Variants in LHFPL3 observed in about 807,000 individuals in gnomAD.
LHFPL3 encodes the protein LHFPL tetraspan subfamily member 3.
LHFPL3 carries 5 observed loss-of-function variants against 19.3 expected under a neutral mutation model. That is an observed-to-expected ratio of 0.26 (90% CI 0.14 to 0.54). The LOEUF is 0.54. LHFPL3 is among the 20% of genes least tolerant of loss of function. The pLI, the probability that LHFPL3 is intolerant of heterozygous loss-of-function variation, is 0.94. For missense variants in LHFPL3, 249 were observed against 307.4 expected (o/e 0.81, Z 1.42); for synonymous variants, 133 against 126.2 (o/e 1.05, Z -0.36).
intron 2 of LHFPL3, among the ~76,000 whole-genome samples, chr7:104,837,148 T>C (rs919243754): frequency 3.9e-5 from 6 of 152,220 alleles, no homozygotes; most frequent in Non-Finnish European, 8.8e-5. Context: ...CAACTTAGTC[T>C]ACTTGTCTCT....
intron 1 of LHFPL3, among the ~76,000 whole-genome samples, chr7:104,676,622 CA>C (rs1189456881): frequency 2.6e-5 from 4 of 152,138 alleles, no homozygotes; most frequent in African/African-American, 9.7e-5. Context: ...CGATGCAAAC[CA>C]TCTTAGAAAT....
intron 1 of LHFPL3, among the ~76,000 whole-genome samples, chr7:104,495,388 T>G (rs974048376): frequency 6.6e-6 from 1 of 151,894 alleles, no homozygotes; most frequent in Non-Finnish European, 1.5e-5. Flanking sequence ...AAAAAAAAAT[T>G]TTTTTTCTTT....
intron 1 of LHFPL3, among the ~76,000 whole-genome samples, chr7:104,475,519 G>A (rs988403857): frequency 1.3e-5 from 2 of 152,136 alleles, no homozygotes; most frequent in African/African-American, 4.8e-5. Flanking sequence ...AGTTGGGTCT[G>A]TTGTGTAACA....
At chr7:104,660,153 C>T (rs1489640185) in intron 1 of LHFPL3, among the ~76,000 whole-genome samples, 1 of 152,152 alleles carries the variant, frequency 6.6e-6, no homozygotes, top group Non-Finnish European at 1.5e-5. Context: ...AGGTGCGTGC[C>T]ACCACACCTG....
At chr7:104,396,096 G>C (rs1220073985) in intron 1 of LHFPL3, among the ~76,000 whole-genome samples, 3 of 152,138 alleles carry the variant, frequency 2.0e-5, no homozygotes, top group Non-Finnish European at 2.9e-5. Context: ...CTGGCCTTGG[G>C]TTCACATGGT....
chr7:104,732,200 CCCT>C (rs1245040546), intron 1 of LHFPL3, among the ~76,000 whole-genome samples: 1 of 152,020 alleles, frequency 6.6e-6, no homozygotes, highest in Non-Finnish European at 1.5e-5. Context: ...TTGGTTGTGT[CCCT>C]GCCAGGCTTT....
At chr7:104,865,254 G>C (rs545395981) in intron 2 of LHFPL3, among the ~76,000 whole-genome samples, 26 of 152,258 alleles carry the variant, frequency 1.7e-4, no homozygotes, top group African/African-American at 4.6e-4. Flanking sequence ...AGAGAAGAAG[G>C]CTTCAGACGA....
chr7:104,783,526 C>A (rs150425157), intron 2 of LHFPL3, among the ~76,000 whole-genome samples: 1 of 152,134 alleles, frequency 6.6e-6, no homozygotes, highest in African/African-American at 2.4e-5. Context: ...AGACTGCAAA[C>A]GCCAAAAACA....
intron 2 of LHFPL3, among the ~76,000 whole-genome samples, chr7:104,831,229 T>TAA (rs10644867): frequency 5.9e-5 from 9 of 151,788 alleles, no homozygotes; most frequent in East Asian, 1.9e-4. Context: ...TTATTCTTAA[T>TAA]AAAATGTTAT....
chr7:104,823,182 T>G (rs1256607368), intron 2 of LHFPL3, among the ~76,000 whole-genome samples: 1 of 152,132 alleles, frequency 6.6e-6, no homozygotes, highest in East Asian at 1.9e-4. Context: ...ATAAATAATT[T>G]CAGATAAAGA....
intron 1 of LHFPL3, among the ~76,000 whole-genome samples, chr7:104,607,871 C>T (rs965083432): frequency 4.6e-5 from 7 of 152,022 alleles, no homozygotes; most frequent in African/African-American, 1.7e-4. Context: ...GACATTTATG[C>T]AGCCAAAAAA....
intron 2 of LHFPL3, among the ~76,000 whole-genome samples, chr7:104,884,183 T>C (rs1374893243): frequency 6.6e-6 from 1 of 151,974 alleles, no homozygotes; most frequent in Non-Finnish European, 1.5e-5. Flanking sequence ...AAGCCTGGGG[T>C]TGTAGGGTGG....
intron 1 of LHFPL3, among the ~76,000 whole-genome samples, chr7:104,693,500 T>C (rs982494977): frequency 6.6e-6 from 1 of 152,078 alleles, no homozygotes; most frequent in Admixed American, 6.5e-5. Flanking sequence ...ATGGGGGCAG[T>C]TTCCCCCATG....
intron 1 of LHFPL3, among the ~76,000 whole-genome samples, chr7:104,689,464 T>C (rs1298210932): frequency 6.6e-6 from 1 of 152,164 alleles, no homozygotes; most frequent in African/African-American, 2.4e-5. Flanking sequence ...AAAAGACTAA[T>C]TTGAATTATA....
At chr7:104,566,530 A>G (rs934669543) in intron 1 of LHFPL3, among the ~76,000 whole-genome samples, 2 of 152,198 alleles carry the variant, frequency 1.3e-5, no homozygotes, top group African/African-American at 4.8e-5. Flanking sequence ...AGGAAAAATG[A>G]TGGGTTTTCA....
At chr7:104,688,584 T>C (rs10236129) in intron 1 of LHFPL3, among the ~76,000 whole-genome samples, 134,528 of 152,010 alleles carry the variant, frequency 0.88, 59,661 homozygotes, top group East Asian at 1. Flanking sequence ...GTGGTGGCAA[T>C]ATCCCTTCCC....
intron 2 of LHFPL3, among the ~76,000 whole-genome samples, chr7:104,758,991 C>T (rs1387463296): frequency 6.6e-6 from 1 of 152,192 alleles, no homozygotes; most frequent in East Asian, 1.9e-4. Flanking sequence ...GGTAATTTCA[C>T]AAATGTTTCT....
chr7:104,420,215 C>T (rs183225836), intron 1 of LHFPL3, among the ~76,000 whole-genome samples: 2 of 152,330 alleles, frequency 1.3e-5, no homozygotes, highest in Admixed American at 1.3e-4. Context: ...TTTTGCCACA[C>T]AGAAGGGAGA....
At chr7:104,869,664 A>C (rs1791794469) in intron 2 of LHFPL3, among the ~76,000 whole-genome samples, 1 of 152,136 alleles carries the variant, frequency 6.6e-6, no homozygotes, top group South Asian at 2.1e-4. Flanking sequence ...TAGTTCAACC[A>C]CTGTGGAAGT....
Sources: allele counts gnomAD v4.1 joint callset (sites outside exome capture counted in the v4.1 genomes callset), GRCh38; gene constraint gnomAD v4.1.1; transcripts MANE v1.5; gene names NCBI Gene and HGNC (gene_info 2026-07-23, HGNC 2026-07-21).